KCNQ3: variants seen among roughly 807,000 people sequenced by gnomAD.
The protein encoded by KCNQ3 is potassium voltage-gated channel subfamily Q member 3, also known as potassium voltage-gated channel subfamily KQT member 3.
Under a neutral mutation model 92.5 loss-of-function variants are expected in KCNQ3, and 30 were observed. That is an observed-to-expected ratio of 0.32 (90% CI 0.24 to 0.44). The LOEUF is 0.44. KCNQ3 is among the 20% of genes least tolerant of loss of function. The pLI is 1.00. For missense variants in KCNQ3, 913 were observed against 1,140.3 expected (o/e 0.80, Z 2.87); for synonymous variants, 450 against 468.8 (o/e 0.96, Z 0.52).
At chr8:132,463,860 C>T (rs1210203430) in intron 1 of KCNQ3, among the ~76,000 whole-genome samples, 5 of 152,092 alleles carry the variant, frequency 3.3e-5, no homozygotes, top group African/African-American at 1.2e-4. Context: ...ACGCCCAGGC[C>T]GGAGTGCAAT....
rs201814804 is a variant in KCNQ3, at chr8:132,170,391, A to G, written c.1178T>C (p.Ile393Thr). ...AAATCTCCATGTCGCCACCAGGTCA[A>G]TCCTGTTGGGGTTGGTAGCATAATA... ...WRYYATNPNR[I>T]DLVATWRFYE... The change falls in exon 8 of 15, where the codon ATT (isoleucine) becomes ACT (threonine). Residue 393 changes from isoleucine (I) to threonine (T), a missense_variant. Around this residue, in one of 6 missense-constraint regions of KCNQ3, gnomAD observed 52 missense variants for 127.7 expected, o/e 0.41. Coordinates refer to ENST00000388996, the MANE Select transcript of KCNQ3 (RefSeq NM_004519.4). The G allele has an allele frequency of 2.6e-5, 42 of 1,613,936 alleles. No homozygotes were observed. The highest frequency in any genetic ancestry group is 4.5e-5 in the East Asian group (2 of 44,864).
At chr8:132,185,298 C>A (rs1418383361) in intron 2 of KCNQ3, among the ~76,000 whole-genome samples, 1 of 152,278 alleles carries the variant, frequency 6.6e-6, no homozygotes, top group African/African-American at 2.4e-5. Flanking sequence ...GCCCTGTGTG[C>A]AGGATGGGGC....
intron 1 of KCNQ3, among the ~76,000 whole-genome samples, chr8:132,378,174 G>A (rs1003759598): frequency 1.7e-4 from 26 of 152,196 alleles, no homozygotes; most frequent in East Asian, 5.8e-4. Flanking sequence ...TGGGTGGATC[G>A]TTGGAGGTTT....
chr8:132,451,075 T>C (rs1821807594), intron 1 of KCNQ3, among the ~76,000 whole-genome samples: 2 of 152,182 alleles, frequency 1.3e-5, no homozygotes, highest in African/African-American at 2.4e-5. Context: ...ATAATCCCCA[T>C]GTTCCATGGG....
chr8:132,433,931 G>A (rs767179734), intron 1 of KCNQ3, among the ~76,000 whole-genome samples: 17 of 150,926 alleles, frequency 1.1e-4, no homozygotes, highest in Non-Finnish European at 2.4e-4. Context: ...ATAATAGGCC[G>A]GGCACGGTGG....
intron 1 of KCNQ3, among the ~76,000 whole-genome samples, chr8:132,327,528 A>G (rs905814423): frequency 6.6e-6 from 1 of 152,078 alleles, no homozygotes; most frequent in Non-Finnish European, 1.5e-5. Context: ...TTGGGGTTCC[A>G]CTAGAACTCT....
chr8:132,432,175 T>C (rs948473576), intron 1 of KCNQ3, among the ~76,000 whole-genome samples: 1 of 152,148 alleles, frequency 6.6e-6, no homozygotes, highest in Admixed American at 6.5e-5. Context: ...ATACTTGTCA[T>C]CATATCAGCA....
At position 132,480,322 on chromosome 8, in the gene KCNQ3, C is replaced by T. The variant is rs1822519358; in HGVS notation, c.211G>A (p.Gly71Ser). The change falls in exon 1 of 15, where the codon GGC becomes AGC. Residue 71 changes from glycine to serine, a missense_variant. By Grantham distance (56) the Gly-to-Ser change is moderately conservative (BLOSUM62 0). Coordinates refer to ENST00000388996, the MANE Select transcript of KCNQ3 (RefSeq NM_004519.4). ...CGCTGCCCCTCGTCGCGGCCGCCGC[C>T]CTCCAGCAGCAGGGTCCCGTCTTTG... ...ADKDGTLLLE[G>S]GGRDEGQRRT... 1 of 1,601,294 alleles carries T rather than the reference C, an allele frequency of 6.2e-7. No individual in the cohort carries two copies. The highest frequency in any genetic ancestry group is 8.5e-7 in the Non-Finnish European group (1 of 1,175,194).
intron 1 of KCNQ3, among the ~76,000 whole-genome samples, chr8:132,349,954 G>A (rs913814863): frequency 6.6e-6 from 1 of 152,222 alleles, no homozygotes; most frequent in Non-Finnish European, 1.5e-5. Flanking sequence ...GAGCGTAGCT[G>A]GAATTCTTAC....
At chr8:132,203,419 C>A (rs1033036438) in intron 1 of KCNQ3, among the ~76,000 whole-genome samples, 1 of 152,172 alleles carries the variant, frequency 6.6e-6, no homozygotes, top group African/African-American at 2.4e-5. Flanking sequence ...TCTCAGCAAA[C>A]GACTTCTGGT....
At chr8:132,157,830 C>T (rs959166212) in intron 9 of KCNQ3, among the ~76,000 whole-genome samples, 9 of 151,956 alleles carry the variant, frequency 5.9e-5, no homozygotes, top group African/African-American at 1.9e-4. Flanking sequence ...CTGCCCCTTG[C>T]CCCCCATCCA....
intron 1 of KCNQ3, among the ~76,000 whole-genome samples, chr8:132,415,946 T>A (rs923860014): frequency 9.2e-5 from 14 of 152,304 alleles, no homozygotes; most frequent in Admixed American, 9.2e-4. Flanking sequence ...TGAGAGCCCA[T>A]CTGGTAGGCA....
At chr8:132,468,739 G>A (rs953413661) in intron 1 of KCNQ3, among the ~76,000 whole-genome samples, 3 of 152,200 alleles carry the variant, frequency 2.0e-5, no homozygotes, top group African/African-American at 7.2e-5. Context: ...CTCTTAAAAA[G>A]GAGCGCATGG....
intron 4 of KCNQ3, among the ~76,000 whole-genome samples, chr8:132,178,813 C>A (rs1294015790): frequency 6.6e-6 from 1 of 151,692 alleles, no homozygotes; most frequent in Non-Finnish European, 1.5e-5. Context: ...AAACTCTAAG[C>A]TCCTTAATGT....
chr8:132,278,082 T>C, intron 1 of KCNQ3: 1 of 985,344 alleles, frequency 1.0e-6, no homozygotes, highest in Non-Finnish European at 1.2e-6. Flanking sequence ...AATCTGTCCA[T>C]CCTCAAAGAC....
chr8:132,266,994 A>G (rs1407685332), intron 1 of KCNQ3, among the ~76,000 whole-genome samples: 1 of 152,186 alleles, frequency 6.6e-6, no homozygotes, highest in East Asian at 1.9e-4. Context: ...CTAGAAAAGG[A>G]AGGCTAAAGA....
At chr8:132,235,864 G>A (rs1438695651) in intron 1 of KCNQ3, among the ~76,000 whole-genome samples, 1 of 152,182 alleles carries the variant, frequency 6.6e-6, no homozygotes, top group African/African-American at 2.4e-5. Context: ...CTTTCTAAGC[G>A]GCTTTCAGTA....
chr8:132,192,204 G>A (rs543887852), intron 1 of KCNQ3, among the ~76,000 whole-genome samples: 12 of 152,206 alleles, frequency 7.9e-5, no homozygotes, highest in Non-Finnish European at 1.5e-4. Context: ...CCAGGAGGGG[G>A]CAGCAGAGGC....
chr8:132,435,630 A>G (rs776197611), intron 1 of KCNQ3, among the ~76,000 whole-genome samples: 1 of 152,254 alleles, frequency 6.6e-6, no homozygotes, highest in Non-Finnish European at 1.5e-5. Context: ...CCGAGTAGTG[A>G]ACAGGAGCTC....
Sources: gnomAD v4.1 joint callset for allele counts (sites outside exome capture counted in the v4.1 genomes callset) on GRCh38, gnomAD v4.1.1 for gene constraint, gnomAD v4.1.1 regional missense constraint, MANE v1.5 for transcripts, NCBI Gene and HGNC (gene_info 2026-07-23, HGNC 2026-07-21) for gene names.